The following IKZF2 variants were observed in gnomAD, a reference collection of about 807,000 sequenced individuals.
IKZF2 encodes the protein IKAROS family zinc finger 2.
In IKZF2, 15 loss-of-function variants were observed where a neutral mutation model predicts 49.2. The ratio of observed to expected loss-of-function variants is 0.30; its 90% confidence interval spans 0.20 to 0.47. The LOEUF is 0.47. Among genes scored for constraint, IKZF2 ranks in the 20% least tolerant of loss-of-function variants. The pLI is 1.00. For missense variants in IKZF2, 567 were observed against 664.6 expected (o/e 0.85, Z 1.61); for synonymous variants, 227 against 221.4 (o/e 1.03, Z -0.23).
intron 5 of IKZF2, among the ~76,000 whole-genome samples, chr2:213,052,878 A>G (rs775986914): frequency 2.6e-5 from 4 of 152,112 alleles, no homozygotes; most frequent in African/African-American, 4.8e-5. Context: ...ATAATTAAGT[A>G]AAAGATTCAG....
rs767098449 is a variant in IKZF2 at position 213,004,793 on chromosome 2, T to C, written c.*2567A>G. ...CCTGAGCCATATCCACCTCTTTCTG[T>C]TCCTCATGAAGCTAGGAAGATACAA... is the stretch of plus-strand genomic sequence containing the variant. On this transcript the variant is annotated 3_prime_UTR_variant, in exon 9 of 9. Coordinates refer to ENST00000434687, the MANE Select transcript of IKZF2 (RefSeq NM_001387220.1). 1.3e-5 allele frequency: 2 copies of C among 152,336 alleles called. No homozygotes were observed. The highest frequency in any genetic ancestry group is 2.9e-5 in the Non-Finnish European group (2 of 67,932). 9.4% of individuals were successfully genotyped at this position (152,336 alleles called of 1,614,324 possible). A position where few individuals can be genotyped will look rare whatever the true frequency, so the allele number is the denominator to read the frequency against.
chr2:213,128,517 T>C (rs1390845971), intron 4 of IKZF2, among the ~76,000 whole-genome samples: 1 of 152,152 alleles, frequency 6.6e-6, no homozygotes, highest in Non-Finnish European at 1.5e-5. Flanking sequence ...CTATGTAATA[T>C]GAAAATCAGT....
chr2:213,139,188 A>C (rs1034277146), intron 4 of IKZF2, among the ~76,000 whole-genome samples: 1 of 151,950 alleles, frequency 6.6e-6, no homozygotes, highest in African/African-American at 2.4e-5. Context: ...TGTATGTATT[A>C]ATATAGGTTA....
chr2:213,047,495 C>T (rs1392294158), intron 6 of IKZF2, among the ~76,000 whole-genome samples: 8 of 152,002 alleles, frequency 5.3e-5, no homozygotes, highest in African/African-American at 1.9e-4. Context: ...ATCAAATAAC[C>T]CATTTAAAGG....
At chr2:213,103,874 G>A (rs1225899016) in intron 4 of IKZF2, among the ~76,000 whole-genome samples, 1 of 152,080 alleles carries the variant, frequency 6.6e-6, no homozygotes, top group African/African-American at 2.4e-5. Flanking sequence ...ATAAGAAAAT[G>A]TTAAAAGGAC....
In IKZF2 at chr2:213,050,627, T is replaced by A. The variant is rs141748867; in HGVS notation, c.407-747A>T. Among the ~76,000 whole-genome samples the A allele has an allele frequency of 2.0e-3, 303 of 152,270 alleles. 1 individual carries two copies. The highest frequency in any genetic ancestry group is 7.1e-3 in the African/African-American group (294 of 41,588). Reference sequence around the variant, plus strand: ...TATTCATCCAGACATGTCCTGTACATGTTTTTTGTGAAACTTATTATTTGA... The same window carrying A: ...TATTCATCCAGACATGTCCTGTACAAGTTTTTTGTGAAACTTATTATTTGA... On this transcript the variant is annotated intron_variant, in intron 5 of 8. Coordinates refer to ENST00000434687, the MANE Select transcript of IKZF2 (RefSeq NM_001387220.1).
chr2:213,013,477 T>C (rs1187877105), intron 8 of IKZF2, among the ~76,000 whole-genome samples: 4 of 151,954 alleles, frequency 2.6e-5, no homozygotes, highest in Non-Finnish European at 4.4e-5. Context: ...GCCAATAGGC[T>C]GGACCGTTTC....
At chr2:213,016,091 T>G (rs536582777) in intron 7 of IKZF2, among the ~76,000 whole-genome samples, 1 of 152,218 alleles carries the variant, frequency 6.6e-6, no homozygotes, top group South Asian at 2.1e-4. Context: ...AATAGCCCTT[T>G]TCATGTCAAA....
chr2:213,112,690 C>T (rs1285178637), intron 4 of IKZF2, among the ~76,000 whole-genome samples: 1 of 152,086 alleles, frequency 6.6e-6, no homozygotes, highest in Non-Finnish European at 1.5e-5. Context: ...GGTTTCTATA[C>T]ATTACACCGA....
At chr2:213,066,936 A>G (rs1702219906) in intron 4 of IKZF2, among the ~76,000 whole-genome samples, 2 of 152,208 alleles carry the variant, frequency 1.3e-5, no homozygotes, top group South Asian at 4.1e-4. Context: ...TTCCTACTGT[A>G]TGAAGTGAAG....
At chr2:213,113,598 T>C (rs2059782353) in intron 4 of IKZF2, among the ~76,000 whole-genome samples, 1 of 152,186 alleles carries the variant, frequency 6.6e-6, no homozygotes, top group Non-Finnish European at 1.5e-5. Flanking sequence ...TCTGCAAATG[T>C]CTGTTTCTCT....
At chr2:213,148,391 TACTTA>T (rs1053483331) in intron 3 of IKZF2, among the ~76,000 whole-genome samples, 200 bp downstream of exon 3, 120 of 152,354 alleles carry the variant, frequency 7.9e-4, no homozygotes, top group African/African-American at 2.7e-3. Context: ...TTAAGTACAC[TACTTA>T]ACTTAGTATG....
intron 4 of IKZF2, among the ~76,000 whole-genome samples, chr2:213,145,380 A>G (rs1160466296): frequency 6.6e-6 from 1 of 151,920 alleles, no homozygotes; most frequent in African/African-American, 2.4e-5. Context: ...ATATTTGAAG[A>G]TATTAAAAAA....
chr2:213,036,552 A>G (rs1699046540), intron 6 of IKZF2, among the ~76,000 whole-genome samples: 1 of 152,178 alleles, frequency 6.6e-6, no homozygotes, highest in South Asian at 2.1e-4. Context: ...AATTCATTCA[A>G]TCAATATGGT....
chr2:213,049,278 A>T (rs1009547001), intron 6 of IKZF2, among the ~76,000 whole-genome samples: 1 of 152,068 alleles, frequency 6.6e-6, no homozygotes, highest in Non-Finnish European at 1.5e-5. Context: ...TAAAAGAAAC[A>T]ATTTTATTTT....
chr2:213,074,218 A>T (rs1703010883), intron 4 of IKZF2, among the ~76,000 whole-genome samples: 1 of 152,300 alleles, frequency 6.6e-6, no homozygotes, highest in South Asian at 2.1e-4. Context: ...CATAAAATCA[A>T]CTATCACCTA....
Position 213,007,403 on chromosome 2 carries a change from T to G in IKZF2, c.1538A>C (p.Glu513Ala), listed in dbSNP as rs1260310016. Residue 513 changes from glutamate (E) to alanine (A), a missense_variant, in exon 9 of 9, where the codon GAG becomes GCG. Transcript: ENST00000434687. ...ICGYRSQDRY[E>A]FSSHIVRGEH... ...CCCTCGAACAATGTGTGATGAAAAC[T>G]CATAACGGTCCTGGCTTCTGTAGCC... The G allele has an allele frequency of 1.2e-6, 2 of 1,613,474 alleles. No homozygotes were observed. Among genetic ancestry groups the G allele is most frequent in the Non-Finnish European group, 1.7e-6 (2 of 1,179,624 alleles).
chr2:213,147,502 C>T, intron 4 of IKZF2: 1 of 647,636 alleles, frequency 1.5e-6, no homozygotes, highest in Non-Finnish European at 2.8e-6. Context: ...TCCCAAATGC[C>T]ACCTTGGGAT....
intron 4 of IKZF2, among the ~76,000 whole-genome samples, chr2:213,088,119 G>C (rs1000983050): frequency 2.0e-5 from 3 of 152,162 alleles, no homozygotes; most frequent in Non-Finnish European, 2.9e-5. Context: ...TACAGTCCCA[G>C]CAACAGTGTA....
Sources: gnomAD v4.1 joint callset for allele counts (sites outside exome capture counted in the v4.1 genomes callset) on GRCh38, gnomAD v4.1.1 for gene constraint, MANE v1.5 for transcripts, NCBI Gene and HGNC (gene_info 2026-07-23, HGNC 2026-07-21) for gene names.